FAM114A2: variants seen among roughly 807,000 people sequenced by gnomAD.
FAM114A2 encodes protein FAM114A2.
FAM114A2 carries 53 observed loss-of-function variants against 58.4 expected under a neutral mutation model. That is an observed-to-expected ratio of 0.91 (90% CI 0.73 to 1.14). The LOEUF is 1.14. Ranked by LOEUF, FAM114A2 falls within the 50% of genes most tolerant of loss-of-function variation. FAM114A2 has a pLI of 0.00. For synonymous variants in FAM114A2, 228 were observed against 211.4 expected (o/e 1.08, Z -0.68); for missense variants, 601 against 581.1 (o/e 1.03, Z -0.35).
intron 8 of FAM114A2, among the ~76,000 whole-genome samples, chr5:154,023,201 G>C (rs1034525968): frequency 6.6e-6 from 1 of 152,090 alleles, no homozygotes; most frequent in African/African-American, 2.4e-5. Context: ...TGAGTTGATG[G>C]GTGCAGCAAA....
At chr5:153,998,296 A>T (rs1466307281) in intron 11 of FAM114A2, among the ~76,000 whole-genome samples, 2 of 152,148 alleles carry the variant, frequency 1.3e-5, no homozygotes, top group African/African-American at 2.4e-5. Flanking sequence ...CACAGTGCTT[A>T]TGTTCAAGTA....
At position 154,027,228 on chromosome 5, in the gene FAM114A2, C is replaced by A. The variant is rs1387393348; in HGVS notation, c.737G>T (p.Gly246Val). 1 of 1,613,604 alleles carries A rather than the reference C, an allele frequency of 6.2e-7. No homozygotes were observed. Among genetic ancestry groups the A allele is most frequent in the Admixed American group, 1.7e-5 (1 of 59,952 alleles). The change falls in exon 7 of 14, where the codon GGC becomes GTC. Residue 246 changes from glycine (G) to valine (V), a missense_variant. Physicochemically the swap from Gly to Val is moderately radical, Grantham distance 109. Transcript: ENST00000351797. Reference sequence around the variant, plus strand: ...CTCCAGAGCTTCTAGATGTGAAAGGCCTTGAAATTCATCAAAGAGTAGCCC... The same window carrying A: ...CTCCAGAGCTTCTAGATGTGAAAGGACTTGAAATTCATCAAAGAGTAGCCC... ...HYGLLFDEFQ[G>V]LSHLEALEML...
In FAM114A2 at chr5:154,026,588, G is replaced by A. The variant is rs372237455; in HGVS notation, c.790-66C>T. 4.0e-5 allele frequency: 45 copies of A among 1,132,374 alleles called. No individual in the cohort carries two copies. The African/African-American group carries it at 5.5e-4, about 14-fold the overall frequency. 70.1% of individuals were successfully genotyped at this position (1,132,374 alleles called of 1,614,324 possible). A position where few individuals can be genotyped will look rare whatever the true frequency, so the allele number is the denominator to read the frequency against. On this transcript the variant is annotated intron_variant, in intron 7 of 13. Transcript: ENST00000351797. Reference sequence around the variant, plus strand: ...GAAAAGAAAAACATTCACAAATAGGGAAGAGACTATAAAAAGATCATATTG... The same window carrying A: ...GAAAAGAAAAACATTCACAAATAGGAAAGAGACTATAAAAAGATCATATTG...
At chr5:154,035,526 T>C (rs1772494891) in intron 1 of FAM114A2, among the ~76,000 whole-genome samples, 1 of 152,244 alleles carries the variant, frequency 6.6e-6, no homozygotes, top group South Asian at 2.1e-4. Context: ...TAGTATTCCT[T>C]CCTTTTTATT....
At chr5:154,030,244 TCAAA>T (rs1772088740) in intron 4 of FAM114A2, among the ~76,000 whole-genome samples, 2 of 152,152 alleles carry the variant, frequency 1.3e-5, no homozygotes, top group Admixed American at 6.5e-5. Context: ...TTAGTAGAAA[TCAAA>T]CAGACATACA....
chr5:154,024,653 G>C (rs990974779), intron 8 of FAM114A2, among the ~76,000 whole-genome samples: 13 of 152,094 alleles, frequency 8.5e-5, no homozygotes, highest in African/African-American at 2.4e-4. Context: ...AACTCAACAA[G>C]TGGTCGTTTC....
intron 12 of FAM114A2, chr5:153,995,222 A>G (rs56025158): frequency 0.62 from 217,006 of 351,360 alleles, 68,217 homozygotes; most frequent in East Asian, 0.77. Flanking sequence ...GACTTTAAAA[A>G]GTATCTTCAT....
chr5:154,017,252 G>C (rs965460454), intron 8 of FAM114A2, among the ~76,000 whole-genome samples: 2 of 152,188 alleles, frequency 1.3e-5, no homozygotes, highest in Admixed American at 6.5e-5. Context: ...AGACCAGCCT[G>C]ACAAACATAG....
rs896001098 is a variant in FAM114A2, at chr5:154,023,416, T to C, written c.913+2983A>G. Among the ~76,000 whole-genome samples, 3 of 152,294 alleles carry C rather than the reference T, an allele frequency of 2.0e-5. No homozygotes were observed. The East Asian group carries it at 5.8e-4, about 29-fold the overall frequency. On this transcript the variant is annotated intron_variant, in intron 8 of 13. Coordinates refer to ENST00000351797, the MANE Select transcript of FAM114A2 (RefSeq NM_018691.4). ...GAGTAGATAAAGAAACTGTGGTATA[T>C]ATATACATGATGGAATACTACTCAG...
intron 12 of FAM114A2, 36 bp downstream of exon 12, chr5:153,997,763 CCAGA>C (rs1471714274): frequency 4.0e-5 from 48 of 1,186,370 alleles, no homozygotes; most frequent in Non-Finnish European, 5.5e-5. Context: ...GCTAAAGAAA[CCAGA>C]CAAACATTAT....
chr5:153,996,941 G>C (rs1769600969), intron 12 of FAM114A2, among the ~76,000 whole-genome samples: 1 of 149,014 alleles, frequency 6.7e-6, no homozygotes, highest in African/African-American at 2.5e-5. Context: ...AGGTTGTAGT[G>C]AGCTGAGATC....
chr5:154,020,066 A>T (rs1771302762), intron 8 of FAM114A2, among the ~76,000 whole-genome samples: 1 of 152,230 alleles, frequency 6.6e-6, no homozygotes, highest in Non-Finnish European at 1.5e-5. Context: ...TAACAAAATG[A>T]AGGCAGAAAT....
chr5:153,992,934 T>A lies in FAM114A2; in HGVS notation c.*42A>T. On this transcript the variant is annotated 3_prime_UTR_variant, in exon 14 of 14. Coordinates refer to ENST00000351797, the MANE Select transcript of FAM114A2 (RefSeq NM_018691.4). Reference sequence around the variant, plus strand: ...AGGAGTAGCCAGAATAAGGTGGCATTCCTTGGCCGTCACAAGTCCCAGGTC... The same window carrying A: ...AGGAGTAGCCAGAATAAGGTGGCATACCTTGGCCGTCACAAGTCCCAGGTC... 2 of 1,588,542 alleles carry A rather than the reference T, an allele frequency of 1.3e-6. No individual in the cohort carries two copies. Among genetic ancestry groups the A allele is most frequent in the South Asian group, 2.3e-5 (2 of 88,012 alleles).
intron 8 of FAM114A2, among the ~76,000 whole-genome samples, chr5:154,017,953 A>G (rs1244239625): frequency 1.3e-5 from 2 of 152,218 alleles, no homozygotes; most frequent in African/African-American, 4.8e-5. Flanking sequence ...AAACACCTAC[A>G]TCAAAAAGTC....
At chr5:154,002,223 C>T (rs1323089245) in intron 11 of FAM114A2, 28 bp downstream of exon 11, 1 of 1,599,978 alleles carries the variant, frequency 6.3e-7, no homozygotes, top group East Asian at 2.2e-5. Context: ...CAATTTGCAT[C>T]ATTTAGAGGA....
At chr5:154,008,509 G>A (rs765950596) in intron 9 of FAM114A2, among the ~76,000 whole-genome samples, 3 of 152,124 alleles carry the variant, frequency 2.0e-5, no homozygotes, top group Non-Finnish European at 2.9e-5. Flanking sequence ...GACCTCATAT[G>A]ATGGGTTGTA....
intron 8 of FAM114A2, among the ~76,000 whole-genome samples, chr5:154,018,114 C>T (rs4493717): frequency 0.65 from 99,174 of 152,016 alleles, 32,710 homozygotes; most frequent in East Asian, 0.88. Context: ...CAAAAGACAA[C>T]TGAAACAAAA....
intron 8 of FAM114A2, among the ~76,000 whole-genome samples, chr5:154,024,964 T>TA (rs139565547): frequency 0.018 from 2,800 of 152,296 alleles, 40 homozygotes; most frequent in Middle Eastern, 0.099. Flanking sequence ...AACCTTCACT[T>TA]AAATTTTTAT....
intron 12 of FAM114A2, among the ~76,000 whole-genome samples, chr5:153,997,129 C>T (rs1475924544): frequency 1.3e-5 from 2 of 151,888 alleles, no homozygotes; most frequent in African/African-American, 2.4e-5. Context: ...AGCAAGGATA[C>T]GAAGAAACTG....
Sources: gnomAD v4.1 joint callset for allele counts (sites outside exome capture counted in the v4.1 genomes callset) on GRCh38, gnomAD v4.1.1 for gene constraint, MANE v1.5 for transcripts, NCBI Gene and HGNC (gene_info 2026-07-23, HGNC 2026-07-21) for gene names.